The following KLK6 variants were observed in gnomAD, a reference collection of about 807,000 sequenced individuals.
KLK6 encodes the protein kallikrein related peptidase 6, also known as kallikrein-6.
A neutral mutation model predicts 21.7 loss-of-function variants in KLK6; 16 were observed. The ratio of observed to expected loss-of-function variants is 0.74; its 90% CI spans 0.50 to 1.12. The LOEUF (loss-of-function observed/expected upper bound fraction) is 1.12, where lower values mean the gene tolerates loss of function less well. Ranked by LOEUF, KLK6 falls within the 50% of genes most tolerant of loss-of-function variation. The pLI, the probability that KLK6 is intolerant of heterozygous loss-of-function variation, is 0.00. For missense variants in KLK6, 276 were observed against 304.6 expected (o/e 0.91, Z 0.70); for synonymous variants, 116 against 120.1 (o/e 0.97, Z 0.22).
chr19:50,961,792 C>G lies in KLK6; in HGVS notation c.534G>C (p.Gln178His), dbSNP rs762623332. Residue 178 changes from glutamine (Q) to histidine (H), a missense_variant, in exon 6 of 7, where the codon CAG becomes CAC. Physicochemically the swap from Gln to His is conservative, Grantham distance 24 (BLOSUM62 0). Transcript: ENST00000310157. The part of the protein sequence containing the change: ...CEHAYPGQIT[Q>H]NMLCAGDEKY... ...TCTCATCCCCAGCACACAACATGTT[C>G]TGGGTGATCTGGCCAGGGTAGGCAT... 17 of 1,614,046 alleles carry G rather than the reference C, an allele frequency of 1.1e-5. No homozygotes were observed. In the African/African-American group the frequency reaches 1.2e-4, roughly 11 times the overall value.
At chr19:50,967,661 T>C (rs909236369) in intron 3 of KLK6, among the ~76,000 whole-genome samples, 6 of 151,428 alleles carry the variant, frequency 4.0e-5, no homozygotes, top group East Asian at 2.0e-4. Context: ...CTATGGATCA[T>C]GCCACTACAC....
Position 50,963,828 on chromosome 19 carries a change from G to A in KLK6, c.198-279C>T, listed in dbSNP as rs188681421. 5.3e-5 allele frequency among the ~76,000 whole-genome samples: 8 copies of A among 152,212 alleles called. 1 individual carries two copies. In the East Asian group the frequency reaches 1.3e-3, roughly 26 times the overall value. On this transcript the variant is annotated intron_variant, in intron 4 of 6. Coordinates refer to ENST00000310157, the MANE Select transcript of KLK6 (RefSeq NM_002774.4). ...TTTCCCACGGCTACCATCTTGGTTT[G>A]AGCTGCCTTTTCACTTCCTACCTGA...
At chr19:50,966,999 C>A (rs1431180016) in intron 4 of KLK6, among the ~76,000 whole-genome samples, 170 bp downstream of exon 4, 1 of 152,168 alleles carries the variant, frequency 6.6e-6, no homozygotes, top group Non-Finnish European at 1.5e-5. Flanking sequence ...GCTATGCCCG[C>A]AGGGCCTGGC....
At chr19:50,959,363 C>CTGTG (rs71185782) in intron 6 of KLK6, 47 bp from the exon 7 acceptor site, 19,722 of 838,676 alleles carry the variant, frequency 0.024, 109 homozygotes, top group Middle Eastern at 0.043. Context: ...AACCCAGAGA[C>CTGTG]TGTGTGTGTG....
intron 1 of KLK6, chr19:50,969,054 G>A: frequency 6.3e-6 from 1 of 158,734 alleles, no homozygotes; most frequent in Non-Finnish European, 1.4e-5. Flanking sequence ...GTCTGAGGGA[G>A]GAGGGGCTTG....
intron 3 of KLK6, among the ~76,000 whole-genome samples, chr19:50,967,827 G>C (rs79324425): frequency 0.047 from 7,113 of 151,558 alleles, 226 homozygotes; most frequent in Middle Eastern, 0.078. Context: ...CCTCTTCTAT[G>C]TTTAGATCCC....
chr19:50,965,571 C>CGT (rs1568540184), intron 4 of KLK6, among the ~76,000 whole-genome samples: 1 of 152,168 alleles, frequency 6.6e-6, no homozygotes, highest in African/African-American at 2.4e-5. Context: ...AGCCACCATG[C>CGT]CCAGCCCTCA....
chr19:50,963,633 C>T, intron 4 of KLK6, 84 bp from the exon 5 acceptor site: 1 of 1,514,384 alleles, frequency 6.6e-7, no homozygotes, highest in Non-Finnish European at 9.0e-7. Flanking sequence ...TCATGAATCG[C>T]TGGCCTGCTC....
chr19:50,961,087 A>T (rs992570769), intron 6 of KLK6, among the ~76,000 whole-genome samples: 1 of 130,956 alleles, frequency 7.6e-6, no homozygotes, highest in African/African-American at 3.0e-5. Context: ...TTTAGTAGAG[A>T]TAGGGTTTCA....
chr19:50,961,607 G>T, intron 6 of KLK6, 137 bp downstream of exon 6: 1 of 1,000,598 alleles, frequency 1.0e-6, no homozygotes, highest in Non-Finnish European at 1.4e-6. Flanking sequence ...CAAGGCTTGG[G>T]TTCTCCCTCA....
chr19:50,966,883 C>T (rs1388273093), intron 4 of KLK6, among the ~76,000 whole-genome samples: 1 of 152,332 alleles, frequency 6.6e-6, no homozygotes, highest in Non-Finnish European at 1.5e-5. Context: ...CCATCACGCC[C>T]TGCAGGTCCC....
At chr19:50,966,481 C>A (rs1044435062) in intron 4 of KLK6, among the ~76,000 whole-genome samples, 1 of 152,216 alleles carries the variant, frequency 6.6e-6, no homozygotes, top group Non-Finnish European at 1.5e-5. Context: ...CCACGTTCCA[C>A]GTGGTAGCCA....
At position 50,967,234 on chromosome 19, in the gene KLK6, G is replaced by A; in HGVS notation, c.132C>T (p.His44=). The A allele has an allele frequency of 6.2e-7, 1 of 1,614,166 alleles. No individual in the cohort carries two copies. Among genetic ancestry groups the A allele is most frequent in the Non-Finnish European group, 8.5e-7 (1 of 1,180,020 alleles). Reference sequence around the variant, plus strand: ...GGATAAGGACCCCACCACAGAGCAAGTGGCCCGAGGTGTAGAGGGCAGCTT... The same window carrying A: ...GGATAAGGACCCCACCACAGAGCAAATGGCCCGAGGTGTAGAGGGCAGCTT... ...PYQAALYTSG[H]LLCGGVLIHP... Residue 44 remains histidine, a synonymous_variant, in exon 4 of 7, where the codon CAC becomes CAT. Coordinates refer to ENST00000310157, the MANE Select transcript of KLK6 (RefSeq NM_002774.4).
rs116444928 is a variant in KLK6 at position 50,963,964 on chromosome 19, C to T, written c.198-415G>A. ...TTAACAATGTAAGTTGGTCCTGTGC[C>T]TCCTCTGCTCAGCCCCTCCTATGAC... On this transcript the variant is annotated intron_variant, in intron 4 of 6. Transcript: ENST00000310157. Among the ~76,000 whole-genome samples, 621 of 152,242 alleles carry T rather than the reference C, an allele frequency of 4.1e-3. 5 individuals carry two copies. The highest frequency in any genetic ancestry group is 0.014 in the African/African-American group (580 of 41,546).
intron 4 of KLK6, among the ~76,000 whole-genome samples, chr19:50,966,341 A>G (rs1009585371): frequency 2.0e-5 from 3 of 152,122 alleles, no homozygotes; most frequent in African/African-American, 7.2e-5. Context: ...CAGTCTCAGA[A>G]TTCCACATCC....
intron 4 of KLK6, among the ~76,000 whole-genome samples, chr19:50,966,627 C>T (rs945328255): frequency 5.9e-5 from 9 of 152,162 alleles, no homozygotes; most frequent in Non-Finnish European, 1.3e-4. Context: ...ATGGTGAAAC[C>T]CCGTCTCTAC....
At chr19:50,963,278 C>T in intron 5 of KLK6, 24 bp downstream of exon 5, 2 of 1,602,330 alleles carry the variant, frequency 1.2e-6, no homozygotes, top group Non-Finnish European at 1.7e-6. Context: ...GTAGCCTGCT[C>T]CCCACCAGCC....
chr19:50,968,343 A>G (rs2090959640), intron 2 of KLK6, 198 bp downstream of exon 2: 2 of 599,136 alleles, frequency 3.3e-6, no homozygotes, highest in Admixed American at 5.5e-5. Flanking sequence ...CCACTGGTCC[A>G]GTAACCCATG....
chr19:50,963,638 C>G (rs1029920198), intron 4 of KLK6, 89 bp from the exon 5 acceptor site: 1 of 1,481,894 alleles, frequency 6.7e-7, no homozygotes, highest in Non-Finnish European at 9.2e-7. Flanking sequence ...AATCGCTGGC[C>G]TGCTCCTCCC....
Sources: allele counts gnomAD v4.1 joint callset (sites outside exome capture counted in the v4.1 genomes callset), GRCh38; gene constraint gnomAD v4.1.1; transcripts MANE v1.5; gene names NCBI Gene and HGNC (gene_info 2026-07-23, HGNC 2026-07-21).